Variants in PKHD1 observed in about 807,000 individuals in gnomAD.
PKHD1 encodes the protein fibrocystin.
Under a neutral mutation model 412.0 loss-of-function variants are expected in PKHD1, and 291 were observed. That is an observed-to-expected ratio of 0.71 (90% CI 0.64 to 0.78). The LOEUF is 0.78. Ranked by LOEUF, PKHD1 falls within the 30% of genes least tolerant of loss-of-function variation. The probability of loss-of-function intolerance (pLI) is 0.00; values close to 1 mark genes in which losing one functional copy is unlikely to be tolerated. For missense variants in PKHD1, 4,825 were observed against 4,950.7 expected, an observed-to-expected ratio of 0.97 and a Z score of 0.76; for synonymous variants, 1,777 against 1,821.5, an observed-to-expected ratio of 0.98 and a Z score of 0.62.
rs1418394120 is a variant in PKHD1 at position 51,615,963 on chromosome 6, T to A, written c.*3118A>T. On this transcript the variant is annotated 3_prime_UTR_variant, in exon 67 of 67. Coordinates refer to ENST00000371117, the MANE Select transcript of PKHD1 (RefSeq NM_138694.4). ...CCCTGCCCCCCAAAAAATGTCCCCC[T>A]CCCCAAACAAAAAGCATGGAGAAAT... 6.6e-6 allele frequency: 1 copy of A among 150,548 alleles called. No individual in the cohort carries two copies. The highest frequency in any genetic ancestry group is 1.5e-5 in the Non-Finnish European group (1 of 67,668). 9.3% of individuals were successfully genotyped at this position (150,548 alleles called of 1,614,324 possible).
intron 43 of PKHD1, among the ~76,000 whole-genome samples, chr6:51,889,468 C>T (rs900217495): frequency 1.3e-5 from 2 of 152,058 alleles, no homozygotes; most frequent in African/African-American, 4.8e-5. Context: ...CACAGAATGC[C>T]CAGTGAAATT....
intron 43 of PKHD1, among the ~76,000 whole-genome samples, chr6:51,895,570 C>A (rs1433493874): frequency 6.6e-6 from 1 of 152,026 alleles, no homozygotes; most frequent in African/African-American, 2.4e-5. Flanking sequence ...ATATTAAATA[C>A]ATTTTTTTTT....
At chr6:51,898,610 A>G (rs376047746) in intron 43 of PKHD1, among the ~76,000 whole-genome samples, 3 of 133,374 alleles carry the variant, frequency 2.2e-5, no homozygotes, top group South Asian at 2.8e-4. Context: ...AAGAACTAGA[A>G]AAGCAAGAGC....
At chr6:51,836,332 G>T (rs1044296653) in intron 51 of PKHD1, 72 bp downstream of exon 51, 2 of 972,250 alleles carry the variant, frequency 2.1e-6, no homozygotes, top group Non-Finnish European at 3.4e-6. Flanking sequence ...AGTATGACAA[G>T]GTGGAATTTG....
chr6:51,929,801 T>C (rs1444966676), intron 37 of PKHD1, among the ~76,000 whole-genome samples: 2 of 152,214 alleles, frequency 1.3e-5, no homozygotes, highest in East Asian at 3.8e-4. Flanking sequence ...CTTTCTTCAA[T>C]CATGCCCCAC....
At chr6:51,672,585 G>T (rs1303619013) in intron 60 of PKHD1, among the ~76,000 whole-genome samples, 1 of 152,146 alleles carries the variant, frequency 6.6e-6, no homozygotes, top group Non-Finnish European at 1.5e-5. Flanking sequence ...ACATGCTTTG[G>T]CTATACCCAG....
intron 35 of PKHD1, among the ~76,000 whole-genome samples, chr6:51,985,213 T>G (rs79337923): frequency 0.02 from 3,085 of 152,282 alleles, 51 homozygotes; most frequent in South Asian, 0.048. Flanking sequence ...TCTCAAAATA[T>G]GTGGAAAGAT....
intron 35 of PKHD1, among the ~76,000 whole-genome samples, chr6:52,009,120 G>A (rs1581720090): frequency 6.6e-6 from 1 of 152,174 alleles, no homozygotes; most frequent in East Asian, 1.9e-4. Flanking sequence ...CGGCTCTGGA[G>A]AGAATTAAAA....
intron 49 of PKHD1, among the ~76,000 whole-genome samples, chr6:51,852,775 A>T (rs1583037584): frequency 1.4e-5 from 2 of 146,544 alleles, no homozygotes; most frequent in Admixed American, 6.8e-5. Context: ...GTTTTCCTCC[A>T]TCCCTTTATT....
intron 60 of PKHD1, among the ~76,000 whole-genome samples, chr6:51,713,578 G>A (rs188268881): frequency 5.6e-4 from 86 of 152,288 alleles, no homozygotes; most frequent in Admixed American, 1.6e-3. Context: ...TTTATATCTA[G>A]CTTTGATTTT....
At chr6:51,762,891 T>C (rs143814704) in intron 55 of PKHD1, among the ~76,000 whole-genome samples, 1 of 152,206 alleles carries the variant, frequency 6.6e-6, no homozygotes, top group African/African-American at 2.4e-5. Flanking sequence ...TATGCTATCA[T>C]CAGGGAACAC....
chr6:51,815,294 A>C (rs939867105), intron 52 of PKHD1, among the ~76,000 whole-genome samples: 1 of 152,252 alleles, frequency 6.6e-6, no homozygotes, highest in Non-Finnish European at 1.5e-5. Context: ...CATAAAAGTA[A>C]GTAATATTTA....
Position 52,083,263 on chromosome 6 carries a change from T to C in PKHD1, c.53-8A>G. The stretch of plus-strand genomic sequence containing the variant: ...GTAAACTCAGGTGACGTACTGTAAG[T>C]AAGTGAAAAAAAACATTGGTTTTGA... On this transcript the variant is annotated splice_polypyrimidine_tract_variant and splice_region_variant and intron_variant, in intron 2 of 66. Coordinates refer to ENST00000371117, the MANE Select transcript of PKHD1 (RefSeq NM_138694.4). 1 of 1,585,206 alleles carries C rather than the reference T, an allele frequency of 6.3e-7. No individual in the cohort carries two copies. Among genetic ancestry groups the C allele is most frequent in the Non-Finnish European group, 8.7e-7 (1 of 1,153,736 alleles).
intron 60 of PKHD1, among the ~76,000 whole-genome samples, chr6:51,709,608 T>C (rs759363260): frequency 1.3e-4 from 20 of 152,206 alleles, no homozygotes; most frequent in Non-Finnish European, 2.4e-4. Context: ...TAACACATAC[T>C]GTTCAGAATC....
intron 59 of PKHD1, 75 bp downstream of exon 59, chr6:51,746,646 A>G: frequency 1.1e-6 from 1 of 941,944 alleles, no homozygotes; most frequent in Non-Finnish European, 1.7e-6. Context: ...ATTCCTTTCA[A>G]AAAACATGTT....
intron 50 of PKHD1, among the ~76,000 whole-genome samples, chr6:51,841,161 T>G (rs1415768305): frequency 6.6e-6 from 1 of 152,186 alleles, no homozygotes; most frequent in Non-Finnish European, 1.5e-5. Context: ...AGAGTTGGTT[T>G]AAAAGGTTAG....
chr6:51,721,991 C>G (rs1312112558), intron 60 of PKHD1: 2 of 1,613,610 alleles, frequency 1.2e-6, no homozygotes, highest in East Asian at 4.5e-5. Flanking sequence ...CTCCTCTATT[C>G]TGAAATCTTC....
At chr6:51,666,527 G>C (rs1478841420) in intron 60 of PKHD1, among the ~76,000 whole-genome samples, 3 of 151,626 alleles carry the variant, frequency 2.0e-5, no homozygotes, top group Non-Finnish European at 4.4e-5. Flanking sequence ...TTATTGGTAT[G>C]TGCAAATGTT....
At chr6:51,718,358 CCTTAAGCACA>C (rs1781509089) in intron 60 of PKHD1, among the ~76,000 whole-genome samples, 1 of 152,142 alleles carries the variant, frequency 6.6e-6, no homozygotes, top group African/African-American at 2.4e-5. Context: ...GTCCTAGAAA[CCTTAAGCACA>C]CTTATTCTAT....
Sources: allele counts gnomAD v4.1 joint callset (sites outside exome capture counted in the v4.1 genomes callset), GRCh38; gene constraint gnomAD v4.1.1; transcripts MANE v1.5; gene names NCBI Gene and HGNC (gene_info 2026-07-23, HGNC 2026-07-21).